The following PRKG1 variants were observed in gnomAD, a reference collection of about 807,000 sequenced individuals.
PRKG1 encodes protein kinase cGMP-dependent 1, also known as cGMP-dependent protein kinase 1.
Under a neutral mutation model 88.1 loss-of-function variants are expected in PRKG1, and 35 were observed. That is an observed-to-expected ratio of 0.40 (90% confidence interval 0.30 to 0.53). PRKG1 has a LOEUF of 0.53. Among genes scored for constraint, PRKG1 ranks in the 20% least tolerant of loss-of-function variants. The pLI, the probability that PRKG1 is intolerant of heterozygous loss-of-function variation, is 0.59. For synonymous variants in PRKG1, 303 were observed against 292.5 expected (o/e 1.04, Z -0.37); for missense variants, 540 against 839.8 (o/e 0.64, Z 4.41).
intron 3 of PRKG1, among the ~76,000 whole-genome samples, chr10:51,662,346 G>A (rs574659402): frequency 3.3e-4 from 50 of 152,082 alleles, no homozygotes; most frequent in Non-Finnish European, 6.5e-4. Flanking sequence ...ATTATCTTCT[G>A]TATTTTTAGA....
chr10:50,991,463 A>T lies in PRKG1; in HGVS notation c.85A>T (p.Lys29Ter). ...AGAGCTGGAGAAGCGGCTGTCAGAG[A>T]AGGAGGAAGAAATTCAGGAGCTGAA... is the stretch of plus-strand genomic sequence containing the variant. The change falls in exon 1 of 18, where the codon AAG becomes TAG. Residue 29 changes from lysine to a stop codon, truncating the protein, a stop_gained. Coordinates refer to the PRKG1 transcript ENST00000401604. LOFTEE classifies it high-confidence loss of function. The surrounding 1 kb of genome is among the most constrained non-coding windows in gnomAD (Gnocchi z 4.5). 2 of 1,607,706 alleles carry T rather than the reference A, an allele frequency of 1.2e-6. No individual in the cohort carries two copies. The highest frequency in any genetic ancestry group is 1.7e-6 in the Non-Finnish European group (2 of 1,177,424).
chr10:51,773,102 A>G (rs1838347055), intron 3 of PRKG1, among the ~76,000 whole-genome samples: 1 of 152,070 alleles, frequency 6.6e-6, no homozygotes, highest in South Asian at 2.1e-4. Flanking sequence ...ATAAATTACA[A>G]TTCCAGCTTG....
At chr10:51,458,651 T>G (rs1839658177) in intron 2 of PRKG1, among the ~76,000 whole-genome samples, 1 of 152,188 alleles carries the variant, frequency 6.6e-6, no homozygotes, top group Non-Finnish European at 1.5e-5. Flanking sequence ...CCAGGATATC[T>G]GCTAAGAACT....
Position 52,012,900 on chromosome 10 carries a change from G to A in PRKG1, c.763-41584G>A, listed in dbSNP as rs545640866. On this transcript the variant is annotated intron_variant, in intron 5 of 17. Transcript: ENST00000373980. ...ACCGCATACTATGTCAATACCATGT[G>A]GTAATTATTATACTAGTATTATTAC... Among the ~76,000 whole-genome samples, 691 of 152,198 alleles carry A rather than the reference G, an allele frequency of 4.5e-3. 2 individuals are homozygous for A. The highest frequency in any genetic ancestry group is 7.9e-3 in the Non-Finnish European group (534 of 68,022).
At chr10:51,531,026 G>A (rs565778324) in intron 3 of PRKG1, among the ~76,000 whole-genome samples, 2 of 152,222 alleles carry the variant, frequency 1.3e-5, no homozygotes, top group African/African-American at 4.8e-5. Flanking sequence ...TGGAATGGGG[G>A]TAAGAAGAAA....
chr10:51,908,107 C>T (rs6480564), intron 5 of PRKG1: 114,232 of 152,206 alleles, frequency 0.75, 43,387 homozygotes, highest in African/African-American at 0.87. Flanking sequence ...GGATTCATAA[C>T]AGCAGCAGCA....
intron 3 of PRKG1, among the ~76,000 whole-genome samples, chr10:51,687,798 C>T (rs1176740905): frequency 1.3e-5 from 2 of 152,110 alleles, no homozygotes; most frequent in Non-Finnish European, 2.9e-5. Context: ...ACTTCTTCTC[C>T]ATATCTAAGG....
chr10:51,989,322 G>A (rs1312581856), intron 5 of PRKG1, among the ~76,000 whole-genome samples: 1 of 152,014 alleles, frequency 6.6e-6, no homozygotes. Flanking sequence ...ACAGTTGCAA[G>A]GTGTTAGTAG....
Position 52,157,306 on chromosome 10 carries a change from G to GATATATATAT in PRKG1, c.1002-4560_1002-4551dup, listed in dbSNP as rs142784154. ...TATATATATTGTGTGTGAGTTAGTT[G>GATATATATAT]ATATATATATATATATATATATATA... On this transcript the variant is annotated intron_variant, in intron 8 of 17. Coordinates refer to ENST00000373980, the MANE Select transcript of PRKG1 (RefSeq NM_006258.4). Among the ~76,000 whole-genome samples, 208 of 125,868 alleles carry GATATATATAT rather than the reference G, an allele frequency of 1.7e-3. 1 individual carries two copies. The highest frequency in any genetic ancestry group is 5.4e-3 in the African/African-American group (188 of 34,776). The allele number at this position is 125,868 out of a possible 152,430, so 82.6% of individuals were successfully genotyped here. A position where few individuals can be genotyped will look rare whatever the true frequency, so the allele number is the denominator to read the frequency against.
intron 4 of PRKG1, among the ~76,000 whole-genome samples, chr10:51,816,682 G>T (rs1218402317): frequency 6.6e-6 from 1 of 152,014 alleles, no homozygotes; most frequent in Non-Finnish European, 1.5e-5. Flanking sequence ...TATTTACTTT[G>T]TGTGTGTATA....
At chr10:51,338,848 G>T (rs1030276603) in intron 2 of PRKG1, among the ~76,000 whole-genome samples, 3 of 152,134 alleles carry the variant, frequency 2.0e-5, no homozygotes, top group African/African-American at 7.2e-5. Context: ...TTTGTCAAAT[G>T]ATTTTCACAG....
chr10:51,608,785 T>A (rs1039812003), intron 3 of PRKG1, among the ~76,000 whole-genome samples: 3 of 152,202 alleles, frequency 2.0e-5, no homozygotes, highest in Non-Finnish European at 4.4e-5. Context: ...AACATTATAA[T>A]AGAGTTGAAA....
At chr10:51,506,495 A>G (rs1841209100) in intron 3 of PRKG1, among the ~76,000 whole-genome samples, 1 of 152,246 alleles carries the variant, frequency 6.6e-6, no homozygotes, top group Non-Finnish European at 1.5e-5. Flanking sequence ...GGCAAAGGAT[A>G]TGAACAGATA....
At position 51,393,114 on chromosome 10, in the gene PRKG1, C is replaced by A. The variant is rs1245559608; in HGVS notation, c.479-74609C>A. ...CTCACTTCTCAGACGGGGCGGTTGC[C>A]GGGCGGAGGGTCTCCTCACTTCTCA... On this transcript the variant is annotated intron_variant, in intron 2 of 17. Coordinates refer to ENST00000373980, the MANE Select transcript of PRKG1 (RefSeq NM_006258.4). 1.9e-5 allele frequency among the ~76,000 whole-genome samples: 2 copies of A among 104,096 alleles called. 1 individual carries two copies. 68.3% of individuals were successfully genotyped at this position (104,096 alleles called of 152,430 possible).
At position 51,884,891 on chromosome 10, in the gene PRKG1, G is replaced by A. The variant is rs578155102; in HGVS notation, c.699-22616G>A. 2.0e-5 allele frequency among the ~76,000 whole-genome samples: 3 copies of A among 152,250 alleles called. No homozygotes were observed. In the South Asian group the frequency reaches 6.2e-4, roughly 32 times the overall value. ...GGGAGTTAGCCTCCACCTCTTCGTA[G>A]GAGAAGTGGCAAAGTGTTTGGAAGC... On this transcript the variant is annotated intron_variant, in intron 4 of 17. Transcript: ENST00000373980.
chr10:52,129,662 A>G (rs1410007975), intron 7 of PRKG1, among the ~76,000 whole-genome samples: 2 of 152,198 alleles, frequency 1.3e-5, no homozygotes, highest in African/African-American at 2.4e-5. Flanking sequence ...ATAATTCTCT[A>G]TTGTTAGGCA....
intron 2 of PRKG1, among the ~76,000 whole-genome samples, chr10:51,465,475 A>G (rs1325913584): frequency 1.3e-5 from 2 of 152,218 alleles, no homozygotes; most frequent in African/African-American, 4.8e-5. Context: ...TAGGTCAAGA[A>G]AATTTTACAA....
chr10:51,892,826 G>A (rs1370831369), intron 4 of PRKG1, among the ~76,000 whole-genome samples: 1 of 152,144 alleles, frequency 6.6e-6, no homozygotes, highest in African/African-American at 2.4e-5. Flanking sequence ...CAAGGAGTGG[G>A]GGATCACCTC....
intron 3 of PRKG1, among the ~76,000 whole-genome samples, chr10:51,628,094 T>TTCCC (rs1263014909): frequency 2.0e-5 from 3 of 147,306 alleles, no homozygotes; most frequent in African/African-American, 7.5e-5. Context: ...CTTTCCTTCC[T>TTCCC]TCCCTTTCTT....
Sources: gnomAD v4.1 joint callset for allele counts (sites outside exome capture counted in the v4.1 genomes callset) on GRCh38, gnomAD v4.1.1 for gene constraint, Gnocchi (gnomAD v3.1) non-coding constraint, MANE v1.5 for transcripts, NCBI Gene and HGNC (gene_info 2026-07-23, HGNC 2026-07-21) for gene names.